NUP153: variants seen among roughly 807,000 people sequenced by gnomAD.
The protein encoded by NUP153 is nuclear pore complex protein Nup153.
Under a neutral mutation model 134.6 loss-of-function variants are expected in NUP153, and 27 were observed. The observed-to-expected ratio is 0.20, with a 90% CI of 0.15 to 0.28. The LOEUF is 0.28. Ranked by LOEUF, NUP153 falls within the 10% of genes least tolerant of loss-of-function variation. The pLI is 1.00. For synonymous variants in NUP153, 640 were observed against 623.5 expected, an observed-to-expected ratio of 1.03 and a Z score of -0.40; for missense variants, 1,821 against 1,731.3, an observed-to-expected ratio of 1.05 and a Z score of -0.92.
At position 17,706,282 on chromosome 6, in the gene NUP153, G is replaced by T. The variant is rs1396358763; in HGVS notation, c.106C>A (p.His36Asn). Reference protein sequence around the residue: ...IKPYQQGRQQHQGILSRVTES... With the variant: ...IKPYQQGRQQNQGILSRVTES... ...GCGGCGTCGGGGTCCCATACCTGAT[G>T]CTGTTGTCGCCCCTGCTGGTAAGGC... The change falls in exon 1 of 22, where the codon CAT becomes AAT. Residue 36 changes from histidine to asparagine, a missense_variant. Transcript: ENST00000262077. This position sits in a 1 kb window ranked among gnomAD's most constrained non-coding sequence, Gnocchi z 5.9. 1 of 1,612,302 alleles carries T rather than the reference G, an allele frequency of 6.2e-7. No homozygotes were observed. Among genetic ancestry groups the T allele is most frequent in the Non-Finnish European group, 8.5e-7 (1 of 1,178,594 alleles).
chr6:17,627,772 T>C (rs1321005347), intron 18 of NUP153, among the ~76,000 whole-genome samples: 1 of 152,266 alleles, frequency 6.6e-6, no homozygotes, highest in African/African-American at 2.4e-5. Context: ...TAGAAGATGA[T>C]GCTAATCTGA....
Position 17,625,821 on chromosome 6 carries a change from T to C in NUP153, c.3888A>G (p.Thr1296=), listed in dbSNP as rs1363796422. The C allele has an allele frequency of 2.5e-6, 4 of 1,613,094 alleles. No homozygotes were observed. Among genetic ancestry groups the C allele is most frequent in the Non-Finnish European group, 3.4e-6 (4 of 1,179,138 alleles). The stretch of plus-strand genomic sequence containing the variant: ...TTGTAAATGTACCTGCAGAGCTAGA[T>C]GTGGTTGTGGCTCCAAAGCCGAAAC... ...TSGFGFGATT[T]SSSAGSSFVF... The change falls in exon 19 of 22, where the codon ACA becomes ACG. Residue 1296 remains threonine (T), a synonymous_variant. Transcript: ENST00000262077. This position sits in a 1 kb window ranked among gnomAD's most constrained non-coding sequence, Gnocchi z 4.7.
chr6:17,639,995 A>G lies in NUP153; in HGVS notation c.1790T>C (p.Phe597Ser). 6.2e-7 allele frequency: 1 copy of G among 1,612,730 alleles called. No individual in the cohort carries two copies. The highest frequency in any genetic ancestry group is 1.1e-5 in the South Asian group (1 of 90,998). The stretch of plus-strand genomic sequence containing the variant: ...TTCTTTCAGGATTTCTGCAGGTCTA[A>G]AAGGACCCTCACAATCTTCAGGTGG... The part of the protein sequence containing the change: ...KTPPEDCEGP[F>S]RPAEILKEGS... The change falls in exon 15 of 22, where the codon TTT (phenylalanine) becomes TCT (serine). Residue 597 changes from phenylalanine to serine, a missense_variant. Transcript: ENST00000262077.
intron 1 of NUP153, among the ~76,000 whole-genome samples, chr6:17,692,780 T>C (rs1769363594): frequency 6.6e-6 from 1 of 152,234 alleles, no homozygotes; most frequent in East Asian, 1.9e-4. Context: ...TCTCCAGAGG[T>C]AGGTCCCACC....
At chr6:17,631,023 A>G (rs970833378) in intron 17 of NUP153, among the ~76,000 whole-genome samples, 2 of 152,230 alleles carry the variant, frequency 1.3e-5, no homozygotes, top group Non-Finnish European at 2.9e-5. Flanking sequence ...ATGAATTAAC[A>G]GCTACAGAAA....
Position 17,637,773 on chromosome 6 carries a change from A to G in NUP153, c.1847-3T>C. The G allele has an allele frequency of 2.5e-6, 4 of 1,592,060 alleles. No individual in the cohort carries two copies. Among genetic ancestry groups the G allele is most frequent in the Non-Finnish European group, 3.4e-6 (4 of 1,174,772 alleles). ...ATCTATCTTCGGCGATGCGAAACCT[A>G]CAATGAACGAAGGAGAGAGTGCAAC... On this transcript the variant is annotated splice_polypyrimidine_tract_variant and splice_region_variant and intron_variant, in intron 15 of 21. Transcript: ENST00000262077.
chr6:17,623,332 C>T lies in NUP153; in HGVS notation c.4174+1229G>A, dbSNP rs73722990. Reference sequence around the variant, plus strand: ...CATAAAGAACCTCTACAAACTTACACGCAAAAGCCAAACTGAAAAATGGCC... The same window carrying T: ...CATAAAGAACCTCTACAAACTTACATGCAAAAGCCAAACTGAAAAATGGCC... On this transcript the variant is annotated intron_variant, in intron 20 of 21. Coordinates refer to ENST00000262077, the MANE Select transcript of NUP153 (RefSeq NM_005124.4). Among the ~76,000 whole-genome samples, 625 of 133,118 alleles carry T rather than the reference C, an allele frequency of 4.7e-3. 3 individuals are homozygous for T. The highest frequency in any genetic ancestry group is 0.017 in the African/African-American group (598 of 34,680). 87.3% of individuals were successfully genotyped at this position (133,118 alleles called of 152,430 possible). A position where few individuals can be genotyped will look rare whatever the true frequency, so the allele number is the denominator to read the frequency against.
intron 1 of NUP153, among the ~76,000 whole-genome samples, chr6:17,689,491 G>A (rs774243544): frequency 2.0e-5 from 3 of 150,276 alleles, no homozygotes; most frequent in Non-Finnish European, 4.4e-5. Context: ...TTTCACTACA[G>A]CAAATGTTGG....
intron 1 of NUP153, among the ~76,000 whole-genome samples, chr6:17,705,698 A>G (rs943400008): frequency 3.3e-5 from 5 of 152,090 alleles, no homozygotes; most frequent in African/African-American, 1.2e-4. Context: ...ATCTAAGCCA[A>G]TGCTCTCAAG....
At chr6:17,655,328 T>C (rs905404790) in intron 11 of NUP153, among the ~76,000 whole-genome samples, 1 of 152,212 alleles carries the variant, frequency 6.6e-6, no homozygotes, top group Non-Finnish European at 1.5e-5. Context: ...TCCTGCTAAA[T>C]AGCAACACTA....
chr6:17,691,160 G>A (rs1769252733), intron 1 of NUP153, among the ~76,000 whole-genome samples: 1 of 151,798 alleles, frequency 6.6e-6, no homozygotes, highest in African/African-American at 2.4e-5. Context: ...GAAAAAAAAA[G>A]GAAAGGTATA....
At chr6:17,676,108 C>T (rs1768208070) in intron 2 of NUP153, among the ~76,000 whole-genome samples, 1 of 152,124 alleles carries the variant, frequency 6.6e-6, no homozygotes, top group African/African-American at 2.4e-5. Context: ...CCTTATAGTC[C>T]TATCATTCTG....
In NUP153 at chr6:17,629,239, G is replaced by A; in HGVS notation, c.2960C>T (p.Ser987Phe). Residue 987 changes from serine to phenylalanine, a missense_variant, in exon 18 of 22, where the codon TCT becomes TTT. By Grantham distance (155) the Ser-to-Phe change is radical. Coordinates refer to ENST00000262077, the MANE Select transcript of NUP153 (RefSeq NM_005124.4). ...TAAAGAAACTGGGTTGCTTAAACCA[G>A]AAGAAAGTCCAAACTTAAAATTATC... ...KNDNFKFGLS[S>F]GLSNPVSLTP... 2.5e-6 allele frequency: 4 copies of A among 1,613,338 alleles called. No homozygotes were observed. Among genetic ancestry groups the A allele is most frequent in the Non-Finnish European group, 3.4e-6 (4 of 1,179,812 alleles).
Position 17,674,923 on chromosome 6 carries a change from T to C in NUP153, c.834A>G (p.Leu278=), listed in dbSNP as rs764344269. 1.9e-6 allele frequency: 3 copies of C among 1,609,796 alleles called. No individual in the cohort carries two copies. Among genetic ancestry groups the C allele is most frequent in the Non-Finnish European group, 2.5e-6 (3 of 1,178,370 alleles). The stretch of plus-strand genomic sequence containing the variant: ...AACCTACCTGATAAGGTGTATTTCG[T>C]AGTTTAGACTGTCTTACAGCAGCTG... The part of the protein sequence containing the change: ...GAAAAVRQSK[L]RNTPYQAPVR... The change falls in exon 5 of 22, where the codon CTA becomes CTG. Residue 278 remains leucine, a synonymous_variant. Coordinates refer to ENST00000262077, the MANE Select transcript of NUP153 (RefSeq NM_005124.4).
In NUP153 at chr6:17,637,685, G is replaced by T; in HGVS notation, c.1932C>A (p.Ser644Arg). Residue 644 changes from serine (S) to arginine (R), a missense_variant, in exon 16 of 22, where the codon AGC (serine) becomes AGA (arginine). Transcript: ENST00000262077. ...CAAACCCAATTCCACTAGAAGAAAAGCTACTTATTGCTGGTCTTGTATAAA... is the reference window on the plus strand; with the variant it reads ...CAAACCCAATTCCACTAGAAGAAAATCTACTTATTGCTGGTCTTGTATAAA... The part of the protein sequence containing the change: ...PVVYTRPAIS[S>R]FSSSGIGFGE... The T allele has an allele frequency of 1.2e-6, 2 of 1,611,902 alleles. No individual in the cohort carries two copies. The highest frequency in any genetic ancestry group is 1.7e-6 in the Non-Finnish European group (2 of 1,180,024).
chr6:17,639,862 C>A, intron 15 of NUP153, 77 bp downstream of exon 15: 1 of 1,361,314 alleles, frequency 7.3e-7, no homozygotes, highest in Non-Finnish European at 9.8e-7. Flanking sequence ...TTTTAAAAGC[C>A]TAAAGTATAA....
intron 1 of NUP153, among the ~76,000 whole-genome samples, chr6:17,697,523 T>TA (rs1051745676): frequency 1.3e-5 from 2 of 151,992 alleles, no homozygotes; most frequent in African/African-American, 2.4e-5. Flanking sequence ...CTGTCTCCAT[T>TA]AAAAAATGCA....
intron 11 of NUP153, among the ~76,000 whole-genome samples, chr6:17,655,871 T>G (rs1413004555): frequency 6.6e-6 from 1 of 152,168 alleles, no homozygotes; most frequent in Non-Finnish European, 1.5e-5. Flanking sequence ...TCAAAACAAC[T>G]ATATAATTGT....
At chr6:17,635,948 CTTAAAA>C (rs1251107411) in intron 16 of NUP153, among the ~76,000 whole-genome samples, 2 of 152,206 alleles carry the variant, frequency 1.3e-5, no homozygotes, top group African/African-American at 4.8e-5. Context: ...TCCCCTTCAA[CTTAAAA>C]TTAATTTTGC....
Sources: gnomAD v4.1 joint callset for allele counts (sites outside exome capture counted in the v4.1 genomes callset) on GRCh38, gnomAD v4.1.1 for gene constraint, Gnocchi (gnomAD v3.1) non-coding constraint, MANE v1.5 for transcripts, NCBI Gene and HGNC (gene_info 2026-07-23, HGNC 2026-07-21) for gene names.